GIGYF2: variants seen among roughly 807,000 people sequenced by gnomAD.
GIGYF2 encodes the protein GRB10 interacting GYF protein 2.
A neutral mutation model predicts 208.1 loss-of-function variants in GIGYF2; 25 were observed. The ratio of observed to expected loss-of-function variants is 0.12; its 90% CI spans 0.09 to 0.17. The LOEUF is 0.17. Among genes scored for constraint, GIGYF2 ranks in the 10% least tolerant of loss-of-function variants. The probability of loss-of-function intolerance (pLI) is 1.00; values close to 1 mark genes in which losing one functional copy is unlikely to be tolerated. For synonymous variants in GIGYF2, 534 were observed against 543.8 expected, an observed-to-expected ratio of 0.98 and a Z score of 0.25; for missense variants, 1,302 against 1,579.4, an observed-to-expected ratio of 0.82 and a Z score of 2.98.
Position 232,784,548 on chromosome 2 carries a change from G to A in GIGYF2, c.533-2602G>A, listed in dbSNP as rs976553341. On this transcript the variant is annotated intron_variant, in intron 8 of 28. Coordinates refer to ENST00000373563, the MANE Select transcript of GIGYF2 (RefSeq NM_001103146.3). ...TGGGACTACAGGCGCCCGCCACCGC[G>A]CCCGGCTAATTTTTTCTATTTTTAG... 6.0e-5 allele frequency among the ~76,000 whole-genome samples: 9 copies of A among 151,184 alleles called. No homozygotes were observed. The South Asian group carries it at 8.5e-4, about 14-fold the overall frequency.
chr2:232,852,064 T>C (rs1690358182), intron 28 of GIGYF2, among the ~76,000 whole-genome samples: 1 of 152,048 alleles, frequency 6.6e-6, no homozygotes, highest in South Asian at 2.1e-4. Context: ...CTGAGGGGAA[T>C]TGAGTGTTGA....
intron 8 of GIGYF2, among the ~76,000 whole-genome samples, chr2:232,772,338 G>A (rs1022396413): frequency 1.3e-5 from 2 of 152,246 alleles, no homozygotes; most frequent in Admixed American, 6.5e-5. Flanking sequence ...GATTAGATTG[G>A]GGGGTAGAAA....
intron 20 of GIGYF2, among the ~76,000 whole-genome samples, chr2:232,818,292 T>C (rs1372914507): frequency 6.6e-6 from 1 of 152,214 alleles, no homozygotes; most frequent in Non-Finnish European, 1.5e-5. Context: ...AAAAACAAAC[T>C]CTACACGTAT....
At chr2:232,727,485 T>C (rs891049529) in intron 2 of GIGYF2, among the ~76,000 whole-genome samples, 7 of 152,244 alleles carry the variant, frequency 4.6e-5, no homozygotes, top group Admixed American at 3.9e-4. Context: ...GCTGTTAACA[T>C]GTTTACCTCA....
At chr2:232,719,489 C>T (rs947254260) in intron 2 of GIGYF2, among the ~76,000 whole-genome samples, 3 of 152,094 alleles carry the variant, frequency 2.0e-5, no homozygotes, top group African/African-American at 7.2e-5. Flanking sequence ...TCTGTCTTTT[C>T]TTTATTGTAA....
At position 232,812,565 on chromosome 2, in the gene GIGYF2, TAAAA is replaced by T. The variant is rs751999619; in HGVS notation, c.2107+77_2107+80del. 449 of 712,056 alleles carry T rather than the reference TAAAA, an allele frequency of 6.3e-4. 3 individuals are homozygous for T. The highest frequency in any genetic ancestry group is 1.2e-3 in the Middle Eastern group (5 of 4,162). The allele number at this position is 712,056 out of a possible 1,614,324, so 44.1% of individuals were successfully genotyped here. ...AATAATAATTTTACAATTCAGTTCTTAAAAAATATATTAGGTTTCTGAATCCATT... is the reference window on the plus strand; with the variant it reads ...AATAATAATTTTACAATTCAGTTCTTAATATATTAGGTTTCTGAATCCATT... On this transcript the variant is annotated intron_variant, in intron 18 of 28. Coordinates refer to ENST00000373563, the MANE Select transcript of GIGYF2 (RefSeq NM_001103146.3).
chr2:232,801,613 C>G (rs1700402807), intron 14 of GIGYF2, among the ~76,000 whole-genome samples: 1 of 152,186 alleles, frequency 6.6e-6, no homozygotes, highest in Non-Finnish European at 1.5e-5. Context: ...AATTAACAAG[C>G]ATACTAATCA....
Position 232,760,483 on chromosome 2 carries a change from G to A in GIGYF2, c.383G>A (p.Arg128Lys). The A allele has an allele frequency of 6.2e-7, 1 of 1,607,210 alleles. No individual in the cohort carries two copies. Among genetic ancestry groups the A allele is most frequent in the South Asian group, 1.1e-5 (1 of 90,918 alleles). Residue 128 changes from arginine to lysine, a missense_variant, in exon 7 of 29, where the codon AGA (arginine) becomes AAA (lysine). Arg to Lys is a conservative substitution (Grantham distance 26, BLOSUM62 2). This residue lies in a region of GIGYF2 where 189 missense variants were observed against 257.7 expected (regional missense o/e 0.73). Coordinates refer to ENST00000373563, the MANE Select transcript of GIGYF2 (RefSeq NM_001103146.3). ...TTTTCTGTTTTCTTATTTTCAGGCA[G>A]AGGCAGAGGTGAATGTGGTTTCTAC... ...RGRSSSRGRG[R>K]GRGECGFYQR... is the part of the protein sequence containing the mutation.
chr2:232,731,570 G>C (rs936525644), intron 2 of GIGYF2, among the ~76,000 whole-genome samples: 4 of 152,176 alleles, frequency 2.6e-5, no homozygotes, highest in African/African-American at 9.7e-5. Context: ...CTTCATCTCT[G>C]TTTGTCATCC....
intron 22 of GIGYF2, among the ~76,000 whole-genome samples, chr2:232,836,661 A>C (rs1701649181): frequency 6.6e-6 from 1 of 150,482 alleles, no homozygotes; most frequent in Non-Finnish European, 1.5e-5. Context: ...CCTGAGGTCT[A>C]TATATGAAAT....
At chr2:232,772,917 G>A (rs1344878769) in intron 8 of GIGYF2, among the ~76,000 whole-genome samples, 1 of 152,038 alleles carries the variant, frequency 6.6e-6, no homozygotes, top group Non-Finnish European at 1.5e-5. Context: ...CTGTGTTGTT[G>A]GAATTGGATA....
intron 2 of GIGYF2, among the ~76,000 whole-genome samples, chr2:232,723,296 T>A (rs34135166): frequency 0.04 from 6,059 of 152,278 alleles, 206 homozygotes; most frequent in East Asian, 0.11. Context: ...TTACATAATA[T>A]TTTTATTGAA....
chr2:232,745,713 A>T (rs1394594409), intron 3 of GIGYF2, among the ~76,000 whole-genome samples: 2 of 152,226 alleles, frequency 1.3e-5, no homozygotes, highest in Non-Finnish European at 2.9e-5. Context: ...GAATATAATC[A>T]CTTACAACCT....
rs1033499066 is a variant in GIGYF2 at position 232,812,450 on chromosome 2, G to T, written c.2066G>T (p.Gly689Val). Reference protein sequence around the residue: ...VTRSVSVPDTGSIWELQPTAS... With the variant: ...VTRSVSVPDTVSIWELQPTAS... ...AGGTCTGTGTCCGTGCCAGATACTG[G>T]CTCTATCTGGGAGCTTCAGCCAACA... The change falls in exon 18 of 29, where the codon GGC (glycine) becomes GTC (valine). Residue 689 changes from glycine (G) to valine (V), a missense_variant. Physicochemically the swap from Gly to Val is moderately radical, Grantham distance 109 (BLOSUM62 -3). Transcript: ENST00000373563. 5 of 1,551,566 alleles carry T rather than the reference G, an allele frequency of 3.2e-6. No individual in the cohort carries two copies. The highest frequency in any genetic ancestry group is 4.4e-6 in the Non-Finnish European group (5 of 1,123,610).
At chr2:232,762,308 A>C (rs1462950799) in intron 8 of GIGYF2, among the ~76,000 whole-genome samples, 3 of 148,468 alleles carry the variant, frequency 2.0e-5, no homozygotes, top group Non-Finnish European at 4.5e-5. Context: ...GCTGGAGTGC[A>C]ATGGTGTGGT....
chr2:232,713,812 T>G (rs1696540777), intron 2 of GIGYF2, among the ~76,000 whole-genome samples: 1 of 152,218 alleles, frequency 6.6e-6, no homozygotes, highest in Non-Finnish European at 1.5e-5. Flanking sequence ...GATGACAAAG[T>G]GTCATTTTCA....
Position 232,847,512 on chromosome 2 carries a change from C to T in GIGYF2, c.3625C>T (p.Leu1209=). The T allele has an allele frequency of 7.2e-7, 1 of 1,380,120 alleles. No individual in the cohort carries two copies. The highest frequency in any genetic ancestry group is 9.9e-7 in the Non-Finnish European group (1 of 1,005,220). The allele number at this position is 1,380,120 out of a possible 1,614,324, so 85.5% of individuals were successfully genotyped here. The change falls in exon 27 of 29, where the codon CTG becomes TTG. Residue 1209 remains leucine (L), a synonymous_variant. Transcript: ENST00000373563. ...CAACCAGCAGCGTCAGCAGCAGCAG[C>T]TGCCACAGCAGCAGCAGCAGCAGCC... ...KANQQRQQQQ[L]PQQQQQQPPQ...
chr2:232,768,494 T>A, intron 8 of GIGYF2: 1 of 1,614,194 alleles, frequency 6.2e-7, no homozygotes, highest in Non-Finnish European at 8.5e-7. Flanking sequence ...GAGAAGGATT[T>A]TCATGCTGGA....
intron 5 of GIGYF2, 23 bp from the exon 6 acceptor site, chr2:232,756,197 CTTT>C (rs759525243): frequency 8.8e-3 from 6,116 of 696,916 alleles, no homozygotes; most frequent in East Asian, 0.013. Flanking sequence ...TCCTTTTTCT[CTTT>C]TTTTTTTTTT....
Sources: gnomAD v4.1 joint callset for allele counts (sites outside exome capture counted in the v4.1 genomes callset) on GRCh38, gnomAD v4.1.1 for gene constraint, gnomAD v4.1.1 regional missense constraint, MANE v1.5 for transcripts, NCBI Gene and HGNC (gene_info 2026-07-23, HGNC 2026-07-21) for gene names.